The following TTLL5 variants were observed in gnomAD, a reference collection of about 807,000 sequenced individuals.
TTLL5 encodes tubulin polyglutamylase TTLL5.
A neutral mutation model predicts 168.4 loss-of-function variants in TTLL5; 132 were observed. The observed-to-expected ratio is 0.78, with a 90% CI of 0.68 to 0.91. TTLL5 has a LOEUF of 0.91. TTLL5 is among the 40% of genes least tolerant of loss of function. The probability of loss-of-function intolerance (pLI) is 0.00; values close to 1 mark genes in which losing one functional copy is unlikely to be tolerated. For synonymous variants in TTLL5, 546 were observed against 558.6 expected, an observed-to-expected ratio of 0.98 and a Z score of 0.32; for missense variants, 1,545 against 1,581.5, an observed-to-expected ratio of 0.98 and a Z score of 0.39.
intron 27 of TTLL5, among the ~76,000 whole-genome samples, chr14:75,807,086 T>C (rs1282018209): frequency 6.6e-6 from 1 of 152,222 alleles, no homozygotes; most frequent in East Asian, 1.9e-4. Flanking sequence ...CACTTGGCAG[T>C]CATCACATGC....
intron 27 of TTLL5, among the ~76,000 whole-genome samples, chr14:75,799,762 A>C (rs1372441480): frequency 6.6e-6 from 1 of 152,120 alleles, no homozygotes; most frequent in South Asian, 2.1e-4. Flanking sequence ...TTGGCTGATA[A>C]TTGTTTTGTT....
intron 27 of TTLL5, 88 bp from the exon 28 acceptor site, chr14:75,819,919 G>T: frequency 7.0e-7 from 1 of 1,419,436 alleles, no homozygotes; most frequent in Non-Finnish European, 9.4e-7. Flanking sequence ...AGCATCTGTT[G>T]GCCTTGACTT....
At chr14:75,698,312 A>G (rs1403901793) in intron 6 of TTLL5, among the ~76,000 whole-genome samples, 1 of 152,216 alleles carries the variant, frequency 6.6e-6, no homozygotes. Flanking sequence ...ATAAAGTGTA[A>G]AGCTGAACCT....
chr14:75,920,442 C>G (rs1218788116), intron 31 of TTLL5, among the ~76,000 whole-genome samples: 1 of 152,060 alleles, frequency 6.6e-6, no homozygotes, highest in African/African-American at 2.4e-5. Context: ...TCCCCTCGAC[C>G]CCTGTGTCCA....
chr14:75,861,947 C>G (rs1474333149), intron 28 of TTLL5, among the ~76,000 whole-genome samples: 3 of 152,214 alleles, frequency 2.0e-5, no homozygotes, highest in African/African-American at 4.8e-5. Context: ...TAGCCACCAT[C>G]TGTCTCCAGA....
At chr14:75,841,666 G>A (rs1449469599) in intron 28 of TTLL5, among the ~76,000 whole-genome samples, 1 of 151,956 alleles carries the variant, frequency 6.6e-6, no homozygotes, top group Non-Finnish European at 1.5e-5. Context: ...GCTGTAAATC[G>A]GGGGATTGGG....
At chr14:75,684,821 CTG>C (rs1884913652) in intron 5 of TTLL5, 1 of 152,102 alleles carries the variant, frequency 6.6e-6, no homozygotes, top group African/African-American at 2.4e-5. Context: ...GGGATAGTGT[CTG>C]TGTGGCAGTC....
intron 28 of TTLL5, among the ~76,000 whole-genome samples, chr14:75,846,388 T>G (rs933815522): frequency 2.6e-5 from 4 of 152,202 alleles, no homozygotes; most frequent in African/African-American, 9.6e-5. Flanking sequence ...CAATCAACAC[T>G]TCTTGTAAAT....
Position 75,734,042 on chromosome 14 carries a change from C to G in TTLL5, c.1178C>G (p.Thr393Ser), listed in dbSNP as rs1888729353. 2.5e-6 allele frequency: 4 copies of G among 1,613,958 alleles called. No individual in the cohort carries two copies. The highest frequency in any genetic ancestry group is 3.4e-6 in the Non-Finnish European group (4 of 1,179,872). Reference sequence around the variant, plus strand: ...GCCAGTATGATTTCAGATATGTTCACTGTTGTAGGTGAGTAGTAGTATTTT... The same window carrying G: ...GCCAGTATGATTTCAGATATGTTCAGTGTTGTAGGTGAGTAGTAGTATTTT... The part of the protein sequence containing the change: ...IKASMISDMF[T>S]VVGFVCQDPA... The change falls in exon 14 of 32, where the codon ACT (threonine) becomes AGT (serine). Residue 393 changes from threonine to serine, a missense_variant. Thr to Ser is a moderately conservative substitution (Grantham distance 58). Transcript: ENST00000298832.
intron 15 of TTLL5, among the ~76,000 whole-genome samples, chr14:75,738,013 A>G (rs1015348097): frequency 4.6e-5 from 7 of 152,228 alleles, no homozygotes; most frequent in African/African-American, 9.6e-5. Flanking sequence ...ATGTTTTCAC[A>G]TTGGGTGTAG....
intron 31 of TTLL5, 90 bp downstream of exon 31, chr14:75,902,314 C>T (rs985751897): frequency 2.3e-6 from 3 of 1,316,002 alleles, no homozygotes; most frequent in Non-Finnish European, 3.2e-6. Context: ...CAAAGAGAGC[C>T]CCAGTTCAAA....
chr14:75,686,005 AAAAATTGAGTAC>A (rs1333342831), intron 5 of TTLL5, among the ~76,000 whole-genome samples: 3 of 152,228 alleles, frequency 2.0e-5, no homozygotes, highest in Admixed American at 2.0e-4. Context: ...TACATACACT[AAAAATTGAGTAC>A]CTCTGCTCTG....
Position 75,863,670 on chromosome 14 carries a change from C to A in TTLL5, c.3330C>A (p.Ser1110Arg). 6.2e-7 allele frequency: 1 copy of A among 1,607,224 alleles called. No homozygotes were observed. The highest frequency in any genetic ancestry group is 8.5e-7 in the Non-Finnish European group (1 of 1,176,760). The change falls in exon 29 of 32, where the codon AGC becomes AGA. Residue 1110 changes from serine to arginine, a missense_variant. Transcript: ENST00000298832. ...ENHSSSPGSR[S>R]LQTGGFAWEG... is the part of the protein sequence containing the mutation. ...ACCTGCTTGCTTTTCTCTTCAGGAGCCTGCAGACAGGGGGATTTGCCTGGG... is the reference window on the plus strand; with the variant it reads ...ACCTGCTTGCTTTTCTCTTCAGGAGACTGCAGACAGGGGGATTTGCCTGGG...
At chr14:75,683,911 A>G (rs1642384580) in intron 5 of TTLL5, 1 of 335,156 alleles carries the variant, frequency 3.0e-6, no homozygotes, top group South Asian at 2.6e-5. Context: ...GTAGCTGGGA[A>G]TACAAGCTTG....
intron 30 of TTLL5, among the ~76,000 whole-genome samples, chr14:75,900,868 C>T (rs962501076): frequency 7.2e-5 from 11 of 152,240 alleles, no homozygotes; most frequent in African/African-American, 2.7e-4. Context: ...TGTGCTTTTT[C>T]TCTTTAGCAT....
chr14:75,882,685 G>T lies in TTLL5; in HGVS notation c.3523G>T (p.Ala1175Ser), dbSNP rs954666267. ...CATTTTTTTCCTTTTTTTTTTGTAGGCAATCTTTGGCAGCCAGACACTACC... is the reference window on the plus strand; with the variant it reads ...CATTTTTTTCCTTTTTTTTTTGTAGTCAATCTTTGGCAGCCAGACACTACC... ...LLDQSRARHQ[A>S]IFGSQTLPNS... Residue 1175 changes from alanine (A) to serine (S), a missense_variant and splice_region_variant, in exon 30 of 32, where the codon GCA (alanine) becomes TCA (serine). Coordinates refer to ENST00000298832, the MANE Select transcript of TTLL5 (RefSeq NM_015072.5). The T allele has an allele frequency of 1.4e-5, 22 of 1,599,228 alleles. No individual in the cohort carries two copies. Among genetic ancestry groups the T allele is most frequent in the Admixed American group, 3.5e-5 (2 of 57,062 alleles).
At chr14:75,809,256 C>T (rs1287896998) in intron 27 of TTLL5, among the ~76,000 whole-genome samples, 2 of 152,144 alleles carry the variant, frequency 1.3e-5, no homozygotes, top group Admixed American at 1.3e-4. Context: ...CTTGATGCTC[C>T]ATGGACTTAT....
intron 27 of TTLL5, among the ~76,000 whole-genome samples, chr14:75,795,016 G>C (rs1012149156): frequency 6.6e-6 from 1 of 151,730 alleles, no homozygotes; most frequent in Non-Finnish European, 1.5e-5. Flanking sequence ...ACTGACTCCT[G>C]TGTGATATTG....
intron 26 of TTLL5, among the ~76,000 whole-genome samples, chr14:75,784,729 C>T (rs1451963760): frequency 6.6e-6 from 1 of 152,156 alleles, no homozygotes; most frequent in African/African-American, 2.4e-5. Context: ...CCAGTTTCTC[C>T]CTGTCCTTGC....
Sources: gnomAD v4.1 joint callset for allele counts (sites outside exome capture counted in the v4.1 genomes callset) on GRCh38, gnomAD v4.1.1 for gene constraint, MANE v1.5 for transcripts, NCBI Gene and HGNC (gene_info 2026-07-23, HGNC 2026-07-21) for gene names.